The following TMEM132B variants were observed in gnomAD, a reference collection of about 807,000 sequenced individuals.
The protein encoded by TMEM132B is transmembrane protein 132B.
In TMEM132B, 18 loss-of-function variants were observed where a neutral mutation model predicts 90.8. The ratio of observed to expected loss-of-function variants is 0.20; its 90% CI spans 0.14 to 0.29. The LOEUF is 0.29. TMEM132B is among the 10% of genes least tolerant of loss of function. TMEM132B has a pLI of 1.00. For missense variants in TMEM132B, 1,096 were observed against 1,326.8 expected (o/e 0.83, Z 2.70); for synonymous variants, 504 against 523.3 (o/e 0.96, Z 0.50).
intron 3 of TMEM132B, among the ~76,000 whole-genome samples, chr12:125,495,018 GGAA>G (rs1172144721): frequency 1.3e-4 from 9 of 67,188 alleles, no homozygotes; most frequent in Admixed American, 1.9e-4. Flanking sequence ...TCTCCTCCCT[GGAA>G]GAAATGGATG....
chr12:125,396,067 A>G (rs2136311315), intron 2 of TMEM132B, among the ~76,000 whole-genome samples: 1 of 152,308 alleles, frequency 6.6e-6, no homozygotes, highest in South Asian at 2.1e-4. Context: ...GGCCACATAC[A>G]TACCAATCCC....
intron 1 of TMEM132B, among the ~76,000 whole-genome samples, chr12:125,299,258 C>T (rs944989098): frequency 2.0e-5 from 3 of 152,204 alleles, no homozygotes; most frequent in Non-Finnish European, 4.4e-5. Flanking sequence ...ACTGTCTCTC[C>T]AACACTCGGG....
At chr12:125,263,801 T>C (rs1200166192) in intron 1 of TMEM132B, among the ~76,000 whole-genome samples, 1 of 152,230 alleles carries the variant, frequency 6.6e-6, no homozygotes, top group Non-Finnish European at 1.5e-5. Context: ...TCTGTGGCTG[T>C]GTTAATGGTT....
At chr12:125,344,182 G>T (rs1877285064) in intron 1 of TMEM132B, among the ~76,000 whole-genome samples, 1 of 152,178 alleles carries the variant, frequency 6.6e-6, no homozygotes, top group African/African-American at 2.4e-5. Context: ...GTGGCTTTGA[G>T]GGAATATAGC....
At chr12:125,428,044 T>C in intron 3 of TMEM132B, among the ~76,000 whole-genome samples, 1 of 152,088 alleles carries the variant, frequency 6.6e-6, no homozygotes, top group Non-Finnish European at 1.5e-5. Context: ...GTTACCCAGA[T>C]TGGAATGCAG....
At chr12:125,590,217 G>A (rs1371134019) in intron 5 of TMEM132B, among the ~76,000 whole-genome samples, 1 of 152,050 alleles carries the variant, frequency 6.6e-6, no homozygotes, top group Non-Finnish European at 1.5e-5. Flanking sequence ...CAGCCTCAGG[G>A]ATTTCCTTAT....
chr12:125,216,874 C>T (rs2136070051), intron 1 of TMEM132B, among the ~76,000 whole-genome samples: 1 of 152,330 alleles, frequency 6.6e-6, no homozygotes, highest in South Asian at 2.1e-4. Flanking sequence ...CATCGAGCAG[C>T]TCCTCCATTA....
chr12:125,244,015 A>G (rs559559986), intron 1 of TMEM132B, among the ~76,000 whole-genome samples: 2 of 152,232 alleles, frequency 1.3e-5, no homozygotes, highest in South Asian at 2.1e-4. Context: ...ATCACACACA[A>G]TGCAGCCTTT....
At chr12:125,530,423 C>T (rs898577308) in intron 4 of TMEM132B, among the ~76,000 whole-genome samples, 1 of 152,196 alleles carries the variant, frequency 6.6e-6, no homozygotes, top group East Asian at 1.9e-4. Context: ...GCCAAATGGT[C>T]GTCTGCTGCA....
At chr12:125,394,866 A>G (rs140991026) in intron 2 of TMEM132B, among the ~76,000 whole-genome samples, 52 of 152,270 alleles carry the variant, frequency 3.4e-4, no homozygotes, top group Middle Eastern at 6.8e-3. Context: ...GATGGAAATA[A>G]TAGACACTGG....
At chr12:125,468,546 G>A (rs577648327) in intron 3 of TMEM132B, among the ~76,000 whole-genome samples, 28 of 152,270 alleles carry the variant, frequency 1.8e-4, no homozygotes, top group African/African-American at 6.3e-4. Flanking sequence ...TAGTGTATGT[G>A]GCTTTGTTTA....
intron 4 of TMEM132B, among the ~76,000 whole-genome samples, chr12:125,583,545 G>T (rs1885105162): frequency 6.6e-6 from 1 of 152,180 alleles, no homozygotes; most frequent in South Asian, 2.1e-4. Flanking sequence ...CTATGTGTGA[G>T]TCTGTGGGAC....
intron 2 of TMEM132B, among the ~76,000 whole-genome samples, chr12:125,399,830 A>C (rs1251302868): frequency 6.6e-6 from 1 of 152,150 alleles, no homozygotes; most frequent in East Asian, 1.9e-4. Context: ...TGGGAAGAAA[A>C]TATTGCATTG....
intron 2 of TMEM132B, among the ~76,000 whole-genome samples, chr12:125,385,486 G>A (rs1356130323): frequency 6.6e-6 from 1 of 152,322 alleles, no homozygotes; most frequent in East Asian, 1.9e-4. Context: ...GGCGATCAAT[G>A]CACCTTGGAC....
chr12:125,190,699 TG>T (rs1382000923), intron 1 of TMEM132B, among the ~76,000 whole-genome samples: 2 of 6,466 alleles, frequency 3.1e-4, no homozygotes, highest in Non-Finnish European at 2.8e-4. Context: ...GTGATGGTGA[TG>T]GGGAAGGGGT....
At position 125,186,555 on chromosome 12, in the gene TMEM132B, G is replaced by C. The variant is rs1957761363; in HGVS notation, c.-245G>C. On this transcript the variant is annotated 5_prime_UTR_variant, in exon 1 of 9. Transcript: ENST00000682704. This position sits in a 1 kb window ranked among gnomAD's most constrained non-coding sequence, Gnocchi z 6.3. ...CTGCGGGGCAGCCGGCCAGGGCGCG[G>C]GGCGCTGAGCCTCGGCCGCCCCAGC... 6.8e-6 allele frequency among the ~76,000 whole-genome samples: 1 copy of C among 146,666 alleles called. No individual in the cohort carries two copies. Among genetic ancestry groups the C allele is most frequent in the African/African-American group, 2.4e-5 (1 of 40,888 alleles).
intron 1 of TMEM132B, among the ~76,000 whole-genome samples, chr12:125,338,875 T>G (rs1877070571): frequency 6.6e-6 from 1 of 152,240 alleles, no homozygotes; most frequent in African/African-American, 2.4e-5. Context: ...AGGGAATAAG[T>G]GTGCTCAGTC....
At chr12:125,550,018 G>A (rs1489658079) in intron 4 of TMEM132B, among the ~76,000 whole-genome samples, 1 of 152,126 alleles carries the variant, frequency 6.6e-6, no homozygotes, top group African/African-American at 2.4e-5. Context: ...TGCAGTACTG[G>A]GCCTTTCCAG....
intron 5 of TMEM132B, chr12:125,622,304 T>C (rs1164603477): frequency 5.3e-6 from 1 of 190,236 alleles, no homozygotes; most frequent in Non-Finnish European, 9.7e-6. Flanking sequence ...ATTAGATAAG[T>C]TACACTGGAA....
Sources: allele counts gnomAD v4.1 joint callset (sites outside exome capture counted in the v4.1 genomes callset), GRCh38; gene constraint gnomAD v4.1.1; non-coding constraint Gnocchi (gnomAD v3.1); transcripts MANE v1.5; gene names NCBI Gene and HGNC (gene_info 2026-07-23, HGNC 2026-07-21).